The following RFT1 variants were observed in gnomAD, a reference collection of about 807,000 sequenced individuals.
The protein encoded by RFT1 is RFT1 glycolipid translocator homolog.
In RFT1, 43 loss-of-function variants were observed where a neutral mutation model predicts 62.2. The observed-to-expected ratio is 0.69, with a 90% CI of 0.54 to 0.89. RFT1 has a LOEUF of 0.89. Ranked by LOEUF, RFT1 falls within the 40% of genes least tolerant of loss-of-function variation. The pLI is 0.00. For synonymous variants in RFT1, 262 were observed against 264.6 expected (o/e 0.99, Z 0.10); for missense variants, 605 against 649.9 (o/e 0.93, Z 0.75).
chr3:53,118,098 A>G (rs11718387), intron 6 of RFT1, among the ~76,000 whole-genome samples: 151,541 of 152,262 alleles, frequency 1, 75,418 homozygotes, highest in Middle Eastern at 1. Context: ...TTGCCATGTC[A>G]CTCAAGCTGG....
chr3:53,098,566 G>T (rs551922924), intron 11 of RFT1, among the ~76,000 whole-genome samples: 27 of 152,254 alleles, frequency 1.8e-4, no homozygotes, highest in African/African-American at 6.3e-4. Context: ...ACTTTGGGAG[G>T]CCAAGGCGGG....
chr3:53,103,716 A>G lies in RFT1; in HGVS notation c.1102+237T>C, dbSNP rs1701380322. ...AAAGCCAACAGCAAGGAGAAGTCCT[A>G]ATAACTTCTCCAAGTGAGGCTGGGG... On this transcript the variant is annotated intron_variant, in intron 10 of 12. Transcript: ENST00000296292. The G allele has an allele frequency of 6.6e-5, 36 of 543,598 alleles. 1 individual carries two copies. The South Asian group carries it at 6.7e-4, about 10-fold the overall frequency. The allele number at this position is 543,598 out of a possible 1,614,324, so 33.7% of individuals were successfully genotyped here. A position where few individuals can be genotyped will look rare whatever the true frequency, so the allele number is the denominator to read the frequency against.
chr3:53,125,794 C>G (rs926504751), intron 2 of RFT1, 115 bp downstream of exon 2: 1 of 804,136 alleles, frequency 1.2e-6, no homozygotes, highest in East Asian at 2.7e-5. Context: ...AGACATTCTG[C>G]TTCTGATAAA....
At position 53,088,788 on chromosome 3, in the gene RFT1, G is replaced by A. The variant is rs954474058; in HGVS notation, c.*3115C>T. The stretch of plus-strand genomic sequence containing the variant: ...GTTTGAGGCTGCAATGAGCTATGAT[G>A]ACACCACTGCACTCCAGCCTGGGCG... On this transcript the variant is annotated 3_prime_UTR_variant, in exon 13 of 13. Transcript: ENST00000296292. 6.5e-6 allele frequency: 1 copy of A among 152,792 alleles called. No homozygotes were observed. Among genetic ancestry groups the A allele is most frequent in the Non-Finnish European group, 1.5e-5 (1 of 68,792 alleles). The allele number at this position is 152,792 out of a possible 1,614,324, so 9.5% of individuals were successfully genotyped here. A position where few individuals can be genotyped will look rare whatever the true frequency, so the allele number is the denominator to read the frequency against.
At chr3:53,112,311 A>T (rs780679395) in intron 6 of RFT1, among the ~76,000 whole-genome samples, 5 of 152,252 alleles carry the variant, frequency 3.3e-5, no homozygotes, top group Non-Finnish European at 7.3e-5. Context: ...ATGTTCAGCC[A>T]TCCAGGGCCC....
At chr3:53,079,271 A>G in the RFT1 span, among the ~76,000 whole-genome samples, 1 of 152,178 alleles carries the variant, frequency 6.6e-6, no homozygotes, top group Non-Finnish European at 1.5e-5. Flanking sequence ...GGCCTGATGG[A>G]TCCCCACTAC....
intron 8 of RFT1, 42 bp from the exon 9 acceptor site, chr3:53,105,845 T>G (rs746955049): frequency 5.7e-6 from 9 of 1,573,296 alleles, no homozygotes; most frequent in Non-Finnish European, 7.8e-6. Flanking sequence ...TGTTGGTTTT[T>G]CTATTTTAAT....
chr3:53,121,851 GATGTA>G, intron 4 of RFT1, 51 bp from the exon 5 acceptor site: 1 of 1,449,134 alleles, frequency 6.9e-7, no homozygotes, highest in South Asian at 1.2e-5. Flanking sequence ...AAAAAGTCAA[GATGTA>G]ATGGAATGAT....
intron 10 of RFT1, among the ~76,000 whole-genome samples, chr3:53,102,530 A>G (rs917675617): frequency 5.6e-4 from 85 of 152,210 alleles, no homozygotes; most frequent in African/African-American, 2.0e-3. Context: ...GTTACCAAGA[A>G]AAAAGAAAAG....
At position 53,092,466 on chromosome 3, in the gene RFT1, T is replaced by TA; in HGVS notation, c.1360dup (p.Tyr454LeufsTer39). 1 of 1,612,060 alleles carries TA rather than the reference T, an allele frequency of 6.2e-7. No individual in the cohort carries two copies. The highest frequency in any genetic ancestry group is 8.5e-7 in the Non-Finnish European group (1 of 1,179,428). ...CAGGGGCCTGTGGGGGCTCCTTCGG[T>TA]AGTAGCGGTGGATGAAGCAAAGGCT... is the stretch of plus-strand genomic sequence containing the variant. On this transcript the variant is annotated frameshift_variant, in exon 12 of 13. Transcript: ENST00000296292. LOFTEE classifies it high-confidence loss of function.
chr3:53,092,712 G>C, intron 11 of RFT1, 94 bp from the exon 12 acceptor site: 1 of 1,416,618 alleles, frequency 7.1e-7, no homozygotes, highest in Non-Finnish European at 9.7e-7. Flanking sequence ...CTCACAGAAA[G>C]AACCTGAGCT....
At chr3:53,068,091 C>T in the RFT1 span, among the ~76,000 whole-genome samples, 2 of 152,214 alleles carry the variant, frequency 1.3e-5, no homozygotes, top group South Asian at 4.1e-4. Context: ...TGTAGCCAAC[C>T]TGGCTGGAGG....
Position 53,102,414 on chromosome 3 carries a change from G to A in RFT1, c.1102+1539C>T, listed in dbSNP as rs557328946. Among the ~76,000 whole-genome samples the A allele has an allele frequency of 7.5e-4, 114 of 152,304 alleles. 3 individuals are homozygous for A. In the South Asian group the frequency reaches 0.023, roughly 31 times the overall value. On this transcript the variant is annotated intron_variant, in intron 10 of 12. Transcript: ENST00000296292. ...GAGAAGGAAAAAAGTAAAAGGCAGA[G>A]GGACAAGAGAGAAGCACCTAAGAGA...
At position 53,119,932 on chromosome 3, in the gene RFT1, A is replaced by C. The variant is rs1189297091; in HGVS notation, c.648T>G (p.Leu216=). ...GSPESTKLQT[L]PVSRITDLLP... is the part of the protein sequence containing the mutation. ...ACAGATCTGTTATTCTGGAGACAGG[A>C]AGAGTTTGAAGCTTGGTTGATTCTG... Residue 216 remains leucine, a synonymous_variant, in exon 6 of 13, where the codon CTT becomes CTG. Transcript: ENST00000296292. The C allele has an allele frequency of 3.7e-6, 6 of 1,613,084 alleles. No homozygotes were observed. Among genetic ancestry groups the C allele is most frequent in the Non-Finnish European group, 5.1e-6 (6 of 1,179,474 alleles).
the RFT1 span, among the ~76,000 whole-genome samples, chr3:53,072,245 T>C: frequency 1.3e-5 from 2 of 152,108 alleles, no homozygotes; most frequent in African/African-American, 4.8e-5. Context: ...TAAGGCTGCG[T>C]GGGAGCCTGC....
chr3:53,084,359 C>T (rs1196100528), downstream of RFT1, among the ~76,000 whole-genome samples: 1 of 152,208 alleles, frequency 6.6e-6, no homozygotes, highest in Non-Finnish European at 1.5e-5. Flanking sequence ...AGTAGATGAG[C>T]CGGGAACAAA....
chr3:53,107,188 T>C (rs1701506630), intron 7 of RFT1, among the ~76,000 whole-genome samples: 1 of 147,924 alleles, frequency 6.8e-6, no homozygotes, highest in Non-Finnish European at 1.5e-5. Flanking sequence ...CAGGCTGGAG[T>C]ACAGTGGCAC....
intron 6 of RFT1, among the ~76,000 whole-genome samples, chr3:53,116,356 T>C (rs1701794622): frequency 6.7e-6 from 1 of 150,074 alleles, no homozygotes; most frequent in Non-Finnish European, 1.5e-5. Flanking sequence ...TGCAGTAGCA[T>C]GAACACAGCT....
rs1175866707 is a variant in RFT1, at chr3:53,130,410, G to A, written c.-10C>T. The A allele has an allele frequency of 1.3e-6, 2 of 1,551,528 alleles. No individual in the cohort carries two copies. The highest frequency in any genetic ancestry group is 2.4e-5 in the East Asian group (1 of 40,964). On this transcript the variant is annotated 5_prime_UTR_variant, in exon 1 of 13. Transcript: ENST00000296292. Reference sequence around the variant, plus strand: ...CCTCCTGGCTGCCCATAGCCTCCGCGCCAGGCTCAGACACCAGGAAATGCC... The same window carrying A: ...CCTCCTGGCTGCCCATAGCCTCCGCACCAGGCTCAGACACCAGGAAATGCC...
Sources: gnomAD v4.1 joint callset for allele counts (sites outside exome capture counted in the v4.1 genomes callset) on GRCh38, gnomAD v4.1.1 for gene constraint, MANE v1.5 for transcripts, NCBI Gene and HGNC (gene_info 2026-07-23, HGNC 2026-07-21) for gene names.